The following CTBP2 variants were observed in gnomAD, a reference collection of about 807,000 sequenced individuals.
The protein encoded by CTBP2 is C-terminal binding protein 2.
A neutral mutation model predicts 80.3 loss-of-function variants in CTBP2; 30 were observed. That is an observed-to-expected ratio of 0.37 (90% CI 0.28 to 0.51). The LOEUF (loss-of-function observed/expected upper bound fraction) is 0.51. Ranked by LOEUF, CTBP2 falls within the 20% of genes least tolerant of loss-of-function variation. The pLI, the probability that CTBP2 is intolerant of heterozygous loss-of-function variation, is 0.93. For synonymous variants in CTBP2, 594 were observed against 587.4 expected, an observed-to-expected ratio of 1.01 and a Z score of -0.16; for missense variants, 1,212 against 1,375.3, an observed-to-expected ratio of 0.88 and a Z score of 1.88.
At chr10:124,994,401 T>G (rs907018706) in intron 5 of CTBP2, 68 bp downstream of exon 7, 3 of 1,507,338 alleles carry the variant, frequency 2.0e-6, no homozygotes, top group Non-Finnish European at 2.8e-6. Flanking sequence ...TCCGTGTCCC[T>G]CTTGTGCCCA....
intron 6 of CTBP2, 126 bp from the exon 9 acceptor site, chr10:124,993,455 T>C: frequency 1.9e-6 from 2 of 1,072,382 alleles, no homozygotes; most frequent in Non-Finnish European, 1.3e-6. Flanking sequence ...TACAGGAACA[T>C]CTGTGATGAT....
At chr10:125,094,727 C>A (rs768360250) in intron 2 of CTBP2, among the ~76,000 whole-genome samples, 1 of 152,010 alleles carries the variant, frequency 6.6e-6, no homozygotes, top group African/African-American at 2.4e-5. Flanking sequence ...GACAGCCCCC[C>A]ACAATGAAGA....
rs548260457 is a variant in CTBP2, at chr10:124,985,073, G to A, written c.*4445C>T. The A allele has an allele frequency of 6.0e-6, 7 of 1,159,702 alleles. No homozygotes were observed. The highest frequency in any genetic ancestry group is 5.1e-5 in the East Asian group (2 of 39,018). The allele number at this position is 1,159,702 out of a possible 1,614,324, so 71.8% of individuals were successfully genotyped here. Reference sequence around the variant, plus strand: ...TTAGTGTGGTGCTCCAAGCAGAGTCGACATCATGGAATGAACCAAATCTGG... The same window carrying A: ...TTAGTGTGGTGCTCCAAGCAGAGTCAACATCATGGAATGAACCAAATCTGG... On this transcript the variant is annotated 3_prime_UTR_variant, in exon 9 of 9. Transcript: ENST00000309035.
intron 3 of CTBP2, among the ~76,000 whole-genome samples, chr10:125,038,553 C>T (rs987645373): frequency 1.3e-5 from 2 of 152,090 alleles, no homozygotes; most frequent in African/African-American, 2.4e-5. Flanking sequence ...TCCAAAGATA[C>T]CAGGGACATG....
chr10:125,073,760 C>T (rs539713749), intron 2 of CTBP2, among the ~76,000 whole-genome samples: 1 of 152,308 alleles, frequency 6.6e-6, no homozygotes, highest in East Asian at 1.9e-4. Flanking sequence ...TGAAGTTCAC[C>T]AGGACTGGAC....
chr10:125,142,263 T>C (rs892535630), intron 1 of CTBP2, among the ~76,000 whole-genome samples: 7 of 152,188 alleles, frequency 4.6e-5, no homozygotes, highest in Non-Finnish European at 8.8e-5. Context: ...ATCCCTAGGA[T>C]GGCACTGGGG....
intron 1 of CTBP2, among the ~76,000 whole-genome samples, chr10:125,131,323 A>T (rs1856145036): frequency 6.6e-6 from 1 of 152,154 alleles, no homozygotes; most frequent in Non-Finnish European, 1.5e-5. Flanking sequence ...TTGCTTCTAA[A>T]CTTCTCCAAC....
At chr10:125,148,156 A>G (rs754996638) in intron 1 of CTBP2, among the ~76,000 whole-genome samples, 14 of 152,246 alleles carry the variant, frequency 9.2e-5, no homozygotes, top group Non-Finnish European at 2.1e-4. Flanking sequence ...CCTTGGGCCG[A>G]GCCTCAGTGT....
chr10:125,074,323 G>A (rs1013922300), intron 2 of CTBP2, among the ~76,000 whole-genome samples: 3 of 152,156 alleles, frequency 2.0e-5, no homozygotes, highest in Non-Finnish European at 4.4e-5. Flanking sequence ...GACCTAGCTG[G>A]GATGCACCCT....
At chr10:125,054,167 G>T (rs911128890) in intron 2 of CTBP2, among the ~76,000 whole-genome samples, 1 of 152,116 alleles carries the variant, frequency 6.6e-6, no homozygotes, top group Admixed American at 6.5e-5. Context: ...CACTGTGGAT[G>T]CCAGAAAAAG....
Position 124,998,298 on chromosome 10 carries a change from C to G in CTBP2, c.1979-128G>C, listed in dbSNP as rs992572338. ...GGGGGAGGCCCACCTTATCGTCTAG[C>G]AGACGCGGGGCTGGGCACGTGGGCG... On this transcript the variant is annotated intron_variant, in intron 3 of 8. Transcript: ENST00000309035. 5 of 1,078,012 alleles carry G rather than the reference C, an allele frequency of 4.6e-6. No individual in the cohort carries two copies. The African/African-American group carries it at 6.3e-5, about 14-fold the overall frequency. The allele number at this position is 1,078,012 out of a possible 1,614,324, so 66.8% of individuals were successfully genotyped here. A position where few individuals can be genotyped will look rare whatever the true frequency, so the allele number is the denominator to read the frequency against.
At chr10:125,161,067 T>TGGGGG (rs574348922), upstream of CTBP2, 2 of 108,036 alleles carry the variant, frequency 1.9e-5, no homozygotes, top group South Asian at 3.7e-4. Context: ...CTCCTGTTTT[T>TGGGGG]GGGGGGGGGG....
At chr10:125,142,924 A>G (rs1369045973) in intron 1 of CTBP2, among the ~76,000 whole-genome samples, 1 of 152,182 alleles carries the variant, frequency 6.6e-6, no homozygotes, top group Non-Finnish European at 1.5e-5. Flanking sequence ...TGGCCAGGAC[A>G]TGGGAGCTGA....
At chr10:125,044,560 G>T (rs1265577625) in intron 2 of CTBP2, among the ~76,000 whole-genome samples, 1 of 152,204 alleles carries the variant, frequency 6.6e-6, no homozygotes, top group Non-Finnish European at 1.5e-5. Flanking sequence ...TCTTCTGAAC[G>T]GGTGATGAGC....
chr10:125,087,859 G>A (rs1197969703), intron 2 of CTBP2, among the ~76,000 whole-genome samples: 3 of 152,210 alleles, frequency 2.0e-5, no homozygotes, highest in Non-Finnish European at 4.4e-5. Context: ...CAAGAACTGT[G>A]CTTCCTTGTC....
At chr10:125,082,530 T>C (rs1187041858) in intron 2 of CTBP2, among the ~76,000 whole-genome samples, 1 of 151,998 alleles carries the variant, frequency 6.6e-6, no homozygotes, top group East Asian at 1.9e-4. Context: ...GAGGAGAGTA[T>C]GGTGGCTGCA....
At chr10:125,154,463 T>C (rs552909734) in intron 1 of CTBP2, among the ~76,000 whole-genome samples, 1 of 152,322 alleles carries the variant, frequency 6.6e-6, no homozygotes, top group Non-Finnish European at 1.5e-5. Context: ...AAATCATCAC[T>C]TGTCCCATTC....
At chr10:125,031,548 C>G (rs1958213142), upstream of CTBP2, among the ~76,000 whole-genome samples, 1 of 151,806 alleles carries the variant, frequency 6.6e-6, no homozygotes, top group Non-Finnish European at 1.5e-5. Context: ...CCCCCTGCCC[C>G]CGAACGTCCT....
intron 2 of CTBP2, among the ~76,000 whole-genome samples, chr10:125,054,202 C>A (rs1332606692): frequency 6.6e-6 from 1 of 152,182 alleles, no homozygotes; most frequent in African/African-American, 2.4e-5. Context: ...CCCCCGGGGA[C>A]CCCCAACCTT....
Sources: allele counts gnomAD v4.1 joint callset (sites outside exome capture counted in the v4.1 genomes callset), GRCh38; gene constraint gnomAD v4.1.1; transcripts MANE v1.5; gene names NCBI Gene and HGNC (gene_info 2026-07-23, HGNC 2026-07-21).